The following MYO1B variants were observed in gnomAD, a reference collection of about 807,000 sequenced individuals.
The protein encoded by MYO1B is myosin IB, also known as unconventional myosin-Ib.
In MYO1B, 72 loss-of-function variants were observed where a neutral mutation model predicts 159.7. The ratio of observed to expected loss-of-function variants is 0.45; its 90% CI spans 0.37 to 0.55. The LOEUF (loss-of-function observed/expected upper bound fraction) is 0.55, where lower values mean the gene tolerates loss of function less well. Among genes scored for constraint, MYO1B ranks in the 20% least tolerant of loss-of-function variants. The pLI is 0.00. For synonymous variants in MYO1B, 468 were observed against 473.8 expected (o/e 0.99, Z 0.16); for missense variants, 1,062 against 1,364.8 (o/e 0.78, Z 3.50).
intron 14 of MYO1B, among the ~76,000 whole-genome samples, chr2:191,381,873 A>G (rs77648042): frequency 0.01 from 1,545 of 152,322 alleles, 59 homozygotes; most frequent in Admixed American, 0.076. Context: ...GTATACCAAA[A>G]AAGTCAGCAT....
At chr2:191,356,115 T>C (rs757077082) in intron 7 of MYO1B, among the ~76,000 whole-genome samples, 3 of 152,204 alleles carry the variant, frequency 2.0e-5, no homozygotes, top group Non-Finnish European at 4.4e-5. Context: ...ATAAAAGGCA[T>C]GAAACTGCCT....
chr2:191,264,551 A>G (rs1161026796), intron 1 of MYO1B, among the ~76,000 whole-genome samples: 1 of 151,558 alleles, frequency 6.6e-6, no homozygotes, highest in African/African-American at 2.4e-5. Context: ...GTAGCTAACC[A>G]TGTATTGTAA....
chr2:191,403,587 C>T (rs1043298981), intron 24 of MYO1B, among the ~76,000 whole-genome samples: 1 of 152,146 alleles, frequency 6.6e-6, no homozygotes, highest in Non-Finnish European at 1.5e-5. Context: ...GAATTATTAT[C>T]TGAGTAATCA....
At chr2:191,273,511 A>G (rs1687581489) in intron 1 of MYO1B, among the ~76,000 whole-genome samples, 1 of 152,228 alleles carries the variant, frequency 6.6e-6, no homozygotes, top group Non-Finnish European at 1.5e-5. Flanking sequence ...AGATGGCTGC[A>G]GTAGTTCCAA....
intron 3 of MYO1B, among the ~76,000 whole-genome samples, chr2:191,304,568 C>A (rs1477845536): frequency 1.6e-5 from 2 of 126,900 alleles, no homozygotes; most frequent in African/African-American, 5.3e-5. Context: ...AAAACCCCAT[C>A]TCAAAAAACA....
chr2:191,291,465 C>T (rs1359914386), intron 2 of MYO1B, among the ~76,000 whole-genome samples: 1 of 152,088 alleles, frequency 6.6e-6, no homozygotes, highest in Non-Finnish European at 1.5e-5. Flanking sequence ...CTCTTTCATT[C>T]TTGTTTGCTT....
chr2:191,369,466 G>A, intron 11 of MYO1B, 76 bp from the exon 12 acceptor site: 1 of 1,081,880 alleles, frequency 9.2e-7, no homozygotes, highest in South Asian at 1.4e-5. Context: ...TTTTTTAAAA[G>A]TATCTTTATG....
At chr2:191,309,738 C>T (rs940625862) in intron 3 of MYO1B, among the ~76,000 whole-genome samples, 1 of 152,196 alleles carries the variant, frequency 6.6e-6, no homozygotes, top group African/African-American at 2.4e-5. Context: ...AATAGCAATC[C>T]CTGAAATAGC....
At chr2:191,363,943 T>C in intron 10 of MYO1B, 68 bp downstream of exon 10, 1 of 1,586,004 alleles carries the variant, frequency 6.3e-7, no homozygotes, top group Non-Finnish European at 8.7e-7. Context: ...CACTTTTTAA[T>C]GTAGAAAGTA....
intron 3 of MYO1B, among the ~76,000 whole-genome samples, chr2:191,303,044 C>G (rs1330022909): frequency 6.6e-6 from 1 of 152,184 alleles, no homozygotes; most frequent in Admixed American, 6.5e-5. Context: ...CATTTTACTC[C>G]ATTCAAGGTG....
chr2:191,271,702 G>A (rs973805811), intron 1 of MYO1B, among the ~76,000 whole-genome samples: 2 of 152,160 alleles, frequency 1.3e-5, no homozygotes, highest in South Asian at 2.1e-4. Context: ...GGAGGAGCAC[G>A]AGATAAGATG....
At chr2:191,326,328 G>C (rs564245202) in intron 3 of MYO1B, among the ~76,000 whole-genome samples, 1 of 146,720 alleles carries the variant, frequency 6.8e-6, no homozygotes, top group East Asian at 2.0e-4. Context: ...TTGCCAGAGA[G>C]GGAGAGGAAC....
chr2:191,327,931 A>G (rs1048793043), intron 3 of MYO1B, among the ~76,000 whole-genome samples: 2 of 152,252 alleles, frequency 1.3e-5, no homozygotes, highest in Non-Finnish European at 2.9e-5. Flanking sequence ...TATGAAGGTT[A>G]CAAAATAAGA....
At chr2:191,397,221 T>C (rs2126119914) in intron 21 of MYO1B, among the ~76,000 whole-genome samples, 1 of 146,348 alleles carries the variant, frequency 6.8e-6, no homozygotes, top group East Asian at 2.1e-4. Flanking sequence ...AATTGACCAT[T>C]CTTGGGTGTT....
rs770519095 is a variant in MYO1B at position 191,362,272 on chromosome 2, A to G, written c.666A>G (p.Lys222=). The change falls in exon 9 of 31, where the codon AAA becomes AAG. Residue 222 remains lysine, a synonymous_variant. Coordinates refer to ENST00000392318, the MANE Select transcript of MYO1B (RefSeq NM_001130158.3). Reference sequence around the variant, plus strand: ...CTTGTGTCTTTGATTCAATAGATAAACTTAAGCTTGAGAGGGATTTCAGCA... The same window carrying G: ...CTTGTGTCTTTGATTCAATAGATAAGCTTAAGCTTGAGAGGGATTTCAGCA... The part of the protein sequence containing the change: ...LSGASEELLN[K]LKLERDFSRY... 6.2e-7 allele frequency: 1 copy of G among 1,613,126 alleles called. No homozygotes were observed. The highest frequency in any genetic ancestry group is 1.3e-5 in the African/African-American group (1 of 74,898).
At chr2:191,270,493 A>G (rs1687392315) in intron 1 of MYO1B, among the ~76,000 whole-genome samples, 1 of 152,134 alleles carries the variant, frequency 6.6e-6, no homozygotes, top group Non-Finnish European at 1.5e-5. Context: ...AGCACTTTAC[A>G]CCATGCCAGC....
At chr2:191,399,267 TGGGGAGAGGGAG>T (rs936336545) in intron 21 of MYO1B, among the ~76,000 whole-genome samples, 2 of 118,736 alleles carry the variant, frequency 1.7e-5, no homozygotes, top group East Asian at 2.4e-4. Context: ...AAGGAGACCG[TGGGGAGAGGGAG>T]AGGGAGAGGG....
At chr2:191,320,421 CTTA>C (rs1380438282) in intron 3 of MYO1B, among the ~76,000 whole-genome samples, 1 of 152,064 alleles carries the variant, frequency 6.6e-6, no homozygotes, top group African/African-American at 2.4e-5. Context: ...AAGGAAGACT[CTTA>C]TTATTCTTAT....
chr2:191,260,899 A>G (rs1414932958), intron 1 of MYO1B, among the ~76,000 whole-genome samples: 5 of 152,232 alleles, frequency 3.3e-5, no homozygotes, highest in African/African-American at 1.2e-4. Flanking sequence ...CAGAATAAAT[A>G]TGGTAGTTGG....
Sources: gnomAD v4.1 joint callset for allele counts (sites outside exome capture counted in the v4.1 genomes callset) on GRCh38, gnomAD v4.1.1 for gene constraint, MANE v1.5 for transcripts, NCBI Gene and HGNC (gene_info 2026-07-23, HGNC 2026-07-21) for gene names.